Variants in MTIF3 observed in about 807,000 individuals in gnomAD.
MTIF3 encodes the protein translation initiation factor IF-3, mitochondrial.
MTIF3 carries 13 observed loss-of-function variants against 20.7 expected under a neutral mutation model. The observed-to-expected ratio is 0.63, with a 90% CI of 0.41 to 1.00. MTIF3 has a LOEUF of 1.00. Among genes scored for constraint, MTIF3 ranks in the 50% least tolerant of loss-of-function variants. The probability of loss-of-function intolerance (pLI) is 0.00; values close to 1 mark genes in which losing one functional copy is unlikely to be tolerated. For synonymous variants in MTIF3, 114 were observed against 112.5 expected (o/e 1.01, Z -0.08); for missense variants, 295 against 324.5 (o/e 0.91, Z 0.70).
At chr13:27,444,976 T>C (rs1954129194) in intron 2 of MTIF3, 112 bp downstream of exon 2, 1 of 152,166 alleles carries the variant, frequency 6.6e-6, no homozygotes. Context: ...ATATACTGAA[T>C]ATACAAAAAT....
At chr13:27,440,830 A>C (rs572062192) in intron 2 of MTIF3, among the ~76,000 whole-genome samples, 1 of 152,072 alleles carries the variant, frequency 6.6e-6, no homozygotes, top group East Asian at 1.9e-4. Flanking sequence ...AAATCTGTGT[A>C]TAACTTTGAC....
At position 27,439,989 on chromosome 13, in the gene MTIF3, C is replaced by T; in HGVS notation, c.460G>A (p.Gly154Arg). ...REMEKANPKTGPTLRKELILS... is the reference protein window; with the variant it reads ...REMEKANPKTRPTLRKELILS... ...AGGGAGCCAACAGCAAAATACCTAC[C>T]AGTTTTGGGGTTCGCCTTCTCCATC... Residue 154 changes from glycine to arginine, a missense_variant and splice_region_variant, in exon 3 of 5, where the codon GGA (glycine) becomes AGA (arginine). By Grantham distance (125) the Gly-to-Arg change is moderately radical. Coordinates refer to ENST00000381120, the MANE Select transcript of MTIF3 (RefSeq NM_152912.5). 5 of 1,611,888 alleles carry T rather than the reference C, an allele frequency of 3.1e-6. No individual in the cohort carries two copies. The South Asian group carries it at 5.5e-5, about 18-fold the overall frequency.
At chr13:27,443,596 C>G (rs1050221656) in intron 2 of MTIF3, among the ~76,000 whole-genome samples, 1 of 152,108 alleles carries the variant, frequency 6.6e-6, no homozygotes, top group African/African-American at 2.4e-5. Context: ...TTGATATATA[C>G]AGTAGACAAA....
rs1954335893 is a variant in MTIF3 at position 27,450,528 on chromosome 13, T to C, written c.-90A>G. Reference sequence around the variant, plus strand: ...CATTACCTGTGCTGGGGCAAGCGATTGACATACTGTAGCGGACGCAAGTAC... The same window carrying C: ...CATTACCTGTGCTGGGGCAAGCGATCGACATACTGTAGCGGACGCAAGTAC... On this transcript the variant is annotated 5_prime_UTR_variant, in exon 1 of 5. Transcript: ENST00000381120. 6.6e-6 allele frequency: 1 copy of C among 152,322 alleles called. No individual in the cohort carries two copies. Among genetic ancestry groups the C allele is most frequent in the Non-Finnish European group, 1.5e-5 (1 of 68,086 alleles). 9.4% of individuals were successfully genotyped at this position (152,322 alleles called of 1,614,324 possible). A position where few individuals can be genotyped will look rare whatever the true frequency, so the allele number is the denominator to read the frequency against.
At chr13:27,438,490 T>TTTTTG (rs1953874376) in intron 3 of MTIF3, among the ~76,000 whole-genome samples, 2 of 46,592 alleles carry the variant, frequency 4.3e-5, no homozygotes, top group Middle Eastern at 0.02. Context: ...ACTGTTTTTT[T>TTTTTG]TTTTTTTTTT....
intron 1 of MTIF3, 103 bp from the exon 2 acceptor site, chr13:27,445,259 C>A (rs1325037717): frequency 6.6e-6 from 1 of 152,180 alleles, no homozygotes; most frequent in African/African-American, 2.4e-5. Flanking sequence ...GCGAGAGGAT[C>A]ACTTAAGGCC....
intron 2 of MTIF3, among the ~76,000 whole-genome samples, chr13:27,442,662 C>T (rs77449077): frequency 0.04 from 6,099 of 152,206 alleles, 188 homozygotes; most frequent in East Asian, 0.15. Context: ...TCCTGGCACC[C>T]AGAAGTTCTC....
chr13:27,438,245 T>C (rs557952530), intron 3 of MTIF3, among the ~76,000 whole-genome samples: 2 of 132,118 alleles, frequency 1.5e-5, no homozygotes, highest in South Asian at 2.5e-4. Flanking sequence ...CCCAGCACTT[T>C]GGGAGGCTGA....
intron 1 of MTIF3, among the ~76,000 whole-genome samples, chr13:27,446,064 C>CT (rs59086781): frequency 5.4e-4 from 80 of 149,214 alleles, no homozygotes; most frequent in African/African-American, 1.0e-3. Flanking sequence ...TTTCTTTTTT[C>CT]TTTTTTTTTT....
At position 27,436,953 on chromosome 13, in the gene MTIF3, A is replaced by G. The variant is rs758732865; in HGVS notation, c.618+163T>C. 1.1e-4 allele frequency among the ~76,000 whole-genome samples: 17 copies of G among 151,898 alleles called. No individual in the cohort carries two copies. The South Asian group carries it at 1.5e-3, about 13-fold the overall frequency. ...TTTTTAGTAGAGACGGGGTTTCACC[A>G]TGTTAGCCAGGTTGGTCTCAATCTC... On this transcript the variant is annotated intron_variant, in intron 4 of 4. Transcript: ENST00000381120.
At chr13:27,448,418 T>C (rs1954247853) in intron 1 of MTIF3, among the ~76,000 whole-genome samples, 1 of 152,350 alleles carries the variant, frequency 6.6e-6, no homozygotes, top group Non-Finnish European at 1.5e-5. Flanking sequence ...CATAAAGTCC[T>C]TGCTTCTGCC....
At chr13:27,441,483 A>G (rs1347052677) in intron 2 of MTIF3, among the ~76,000 whole-genome samples, 1 of 152,248 alleles carries the variant, frequency 6.6e-6, no homozygotes, top group African/African-American at 2.4e-5. Context: ...CTCATAAACT[A>G]TAAAGATCAT....
At chr13:27,447,198 CAAAA>C (rs533396868) in intron 1 of MTIF3, among the ~76,000 whole-genome samples, 27 of 84,188 alleles carry the variant, frequency 3.2e-4, no homozygotes, top group African/African-American at 1.2e-3. Flanking sequence ...TGGGTTAGGC[CAAAA>C]AAAAAAAAAA....
chr13:27,437,070 C>A, intron 4 of MTIF3, 46 bp downstream of exon 4: 1 of 1,587,456 alleles, frequency 6.3e-7, no homozygotes, highest in South Asian at 1.1e-5. Flanking sequence ...ATTTTTAGAT[C>A]AGAAGACCCA....
chr13:27,446,998 A>T (rs1383118739), intron 1 of MTIF3, among the ~76,000 whole-genome samples: 1 of 152,210 alleles, frequency 6.6e-6, no homozygotes, highest in African/African-American at 2.4e-5. Flanking sequence ...TAAAAATTTT[A>T]GAAGAATAAA....
At chr13:27,441,303 T>C (rs916941810) in intron 2 of MTIF3, 3 of 152,232 alleles carry the variant, frequency 2.0e-5, no homozygotes, top group African/African-American at 7.2e-5. Flanking sequence ...TAAACACCAA[T>C]TGATAAACTT....
intron 1 of MTIF3, chr13:27,450,214 A>C (rs1330663305): frequency 6.6e-6 from 1 of 151,898 alleles, no homozygotes; most frequent in Admixed American, 6.5e-5. Flanking sequence ...GTGCGTGCGC[A>C]CAAACGAGGG....
Position 27,442,455 on chromosome 13 carries a change from G to C in MTIF3, c.-1-2006C>G, listed in dbSNP as rs1163393057. Among the ~76,000 whole-genome samples the C allele has an allele frequency of 2.6e-5, 4 of 152,088 alleles. No homozygotes were observed. The East Asian group carries it at 7.7e-4, about 29-fold the overall frequency. ...GAGTTTATTACTGCTAGGGCACACA[G>C]AGCAATCCTTAAAAATGCGTAAGTC... On this transcript the variant is annotated intron_variant, in intron 2 of 4. Transcript: ENST00000381120.
At chr13:27,448,946 C>A (rs1954264859) in intron 1 of MTIF3, among the ~76,000 whole-genome samples, 1 of 152,136 alleles carries the variant, frequency 6.6e-6, no homozygotes, top group Admixed American at 6.5e-5. Context: ...GAGGCTGAGG[C>A]AGGAGAATCA....
Sources: gnomAD v4.1 joint callset for allele counts (sites outside exome capture counted in the v4.1 genomes callset) on GRCh38, gnomAD v4.1.1 for gene constraint, MANE v1.5 for transcripts, NCBI Gene and HGNC (gene_info 2026-07-23, HGNC 2026-07-21) for gene names.